Variants in FH observed in about 807,000 individuals in gnomAD.
FH encodes the protein fumarate hydratase, mitochondrial.
A neutral mutation model predicts 49.4 loss-of-function variants in FH; 22 were observed. The observed-to-expected ratio is 0.45, with a 90% confidence interval of 0.32 to 0.64. The LOEUF is 0.64. Ranked by LOEUF, FH falls within the 30% of genes least tolerant of loss-of-function variation. The probability of loss-of-function intolerance (pLI) is 0.05; values close to 1 mark genes in which losing one functional copy is unlikely to be tolerated. For missense variants in FH, 526 were observed against 641.5 expected (o/e 0.82, Z 1.95); for synonymous variants, 208 against 223.0 (o/e 0.93, Z 0.60).
rs766177929 is a variant in FH, at chr1:241,500,465, C to T, written c.1362G>A (p.Met454Ile). ...RINKLMNESL[M>I]LVTALNPHIG... Reference sequence around the variant, plus strand: ...TATGAGGATTGAGAGCTGTCACCAACATTAGAGACTCATTCATCAGCTTGT... The same window carrying T: ...TATGAGGATTGAGAGCTGTCACCAATATTAGAGACTCATTCATCAGCTTGT... Residue 454 changes from methionine (M) to isoleucine (I), a missense_variant, in exon 9 of 10, where the codon ATG becomes ATA. By Grantham distance (10) the Met-to-Ile change is conservative (BLOSUM62 1). This residue lies in a region of FH where 383 missense variants were observed against 514.0 expected (regional missense o/e 0.75). Coordinates refer to ENST00000366560, the MANE Select transcript of FH (RefSeq NM_000143.4). The T allele has an allele frequency of 6.2e-7, 1 of 1,614,040 alleles. No individual in the cohort carries two copies. Among genetic ancestry groups the T allele is most frequent in the South Asian group, 1.1e-5 (1 of 91,080 alleles).
intron 1 of FH, 67 bp downstream of exon 1, chr1:241,519,524 C>T: frequency 6.6e-7 from 1 of 1,506,830 alleles, no homozygotes; most frequent in Admixed American, 2.1e-5. Flanking sequence ...TCGCGGGCGC[C>T]CAGGCCGGCA....
intron 1 of FH, 122 bp from the exon 2 acceptor site, chr1:241,517,438 C>T (rs1253619997): frequency 3.9e-6 from 4 of 1,038,108 alleles, no homozygotes; most frequent in Non-Finnish European, 5.7e-6. Flanking sequence ...CAAAAAAATA[C>T]TATTTGGATT....
At position 241,508,739 on chromosome 1, in the gene FH, A is replaced by G. The variant is rs1476664795; in HGVS notation, c.602T>C (p.Ile201Thr). ...TGGTAACAGTACTTCATGAACTTCT[A>G]TTGCAGCAGCAATGTGCATTGCTGT... ...FPTAMHIAAAIEVHEVLLPGL... is the reference protein window; with the variant it reads ...FPTAMHIAAATEVHEVLLPGL... Residue 201 changes from isoleucine (I) to threonine (T), a missense_variant, in exon 5 of 10, where the codon ATA becomes ACA. Around this residue, in one of 2 missense-constraint regions of FH, gnomAD observed 383 missense variants for 514.0 expected, o/e 0.75. Transcript: ENST00000366560. 3.1e-6 allele frequency: 5 copies of G among 1,613,878 alleles called. No individual in the cohort carries two copies. The highest frequency in any genetic ancestry group is 1.1e-5 in the South Asian group (1 of 91,078).
rs552330252 is a variant in FH at position 241,501,409 on chromosome 1, C to T, written c.1237-819G>A. 1.2e-4 allele frequency among the ~76,000 whole-genome samples: 18 copies of T among 152,134 alleles called. No homozygotes were observed. The East Asian group carries it at 3.5e-3, about 29-fold the overall frequency. The stretch of plus-strand genomic sequence containing the variant: ...TTAACAAGGCATTTATTGTTATGCA[C>T]CTATAAATGCTGGGTATCTCGTGTT... On this transcript the variant is annotated intron_variant, in intron 8 of 9. Coordinates refer to ENST00000366560, the MANE Select transcript of FH (RefSeq NM_000143.4).
intron 7 of FH, among the ~76,000 whole-genome samples, chr1:241,502,776 A>G (rs1190298966): frequency 6.6e-6 from 1 of 152,210 alleles, no homozygotes; most frequent in Non-Finnish European, 1.5e-5. Context: ...AGTAGCCACA[A>G]CTACACATTA....
At chr1:241,514,140 T>C (rs1266800773) in intron 2 of FH, among the ~76,000 whole-genome samples, 1 of 152,122 alleles carries the variant, frequency 6.6e-6, no homozygotes, top group East Asian at 1.9e-4. Context: ...CACGTTACAT[T>C]ATAATTGTTT....
chr1:241,499,850 T>A (rs941281882), intron 9 of FH, among the ~76,000 whole-genome samples: 1 of 152,224 alleles, frequency 6.6e-6, no homozygotes, highest in Non-Finnish European at 1.5e-5. Flanking sequence ...AATCTGTATG[T>A]TTGATTCTAC....
rs201971572 is a variant in FH at position 241,506,178 on chromosome 1, A to C, written c.739-10T>G. 2.5e-6 allele frequency: 4 copies of C among 1,600,738 alleles called. No individual in the cohort carries two copies. The highest frequency in any genetic ancestry group is 3.4e-6 in the Non-Finnish European group (4 of 1,169,042). On this transcript the variant is annotated splice_polypyrimidine_tract_variant and intron_variant, in intron 5 of 9. Coordinates refer to ENST00000366560, the MANE Select transcript of FH (RefSeq NM_000143.4). ...CATAACCACTAAATTCCTGAAAAGA[A>C]AAGAAAATTAAGGTAAGAATAAGTA...
chr1:241,516,489 C>T (rs546055437), intron 2 of FH, among the ~76,000 whole-genome samples: 233 of 152,134 alleles, frequency 1.5e-3, no homozygotes, highest in African/African-American at 5.4e-3. Context: ...GGGAACAAAG[C>T]ACACAGGGGC....
chr1:241,513,222 T>C (rs1660135043), intron 3 of FH, among the ~76,000 whole-genome samples: 1 of 152,094 alleles, frequency 6.6e-6, no homozygotes, highest in Non-Finnish European at 1.5e-5. Flanking sequence ...TTTAAGACAA[T>C]GTTATTAGCA....
chr1:241,513,534 G>A, intron 3 of FH, 69 bp downstream of exon 3: 2 of 1,134,932 alleles, frequency 1.8e-6, no homozygotes, highest in Non-Finnish European at 1.3e-6. Flanking sequence ...CCTTCTGCCA[G>A]AGCATATCGT....
At chr1:241,504,965 G>A (rs1391705983) in intron 6 of FH, among the ~76,000 whole-genome samples, 2 of 150,664 alleles carry the variant, frequency 1.3e-5, no homozygotes, top group Non-Finnish European at 2.9e-5. Flanking sequence ...CTGGAGGGCA[G>A]TGGTACGATC....
chr1:241,511,916 A>C (rs1660093137), intron 4 of FH, 51 bp downstream of exon 4: 2 of 1,542,732 alleles, frequency 1.3e-6, no homozygotes, highest in Non-Finnish European at 1.8e-6. Flanking sequence ...GAACAATCTC[A>C]GGTATGCTTT....
intron 2 of FH, among the ~76,000 whole-genome samples, chr1:241,514,783 G>C (rs867240093): frequency 6.6e-6 from 1 of 152,118 alleles, no homozygotes; most frequent in African/African-American, 2.4e-5. Context: ...CATTAGAAAC[G>C]TTTGACTCAA....
At chr1:241,515,832 A>G (rs991097808) in intron 2 of FH, among the ~76,000 whole-genome samples, 1 of 152,210 alleles carries the variant, frequency 6.6e-6, no homozygotes, top group African/African-American at 2.4e-5. Flanking sequence ...ATGGTAAGTC[A>G]CAACCTTAAT....
chr1:241,518,611 C>A (rs749622346), intron 1 of FH, among the ~76,000 whole-genome samples: 2 of 152,210 alleles, frequency 1.3e-5, no homozygotes, highest in East Asian at 3.8e-4. Context: ...GGTATTTTCA[C>A]ATGTGCAGTT....
chr1:241,500,716 C>T lies in FH; in HGVS notation c.1237-126G>A, dbSNP rs1659758128. On this transcript the variant is annotated intron_variant, in intron 8 of 9. Transcript: ENST00000366560. ...GACAGTAAATATACAATTCAATAAA[C>T]ATATAGATCTTCTACAAATTTTAAG... is the stretch of plus-strand genomic sequence containing the variant. 3 of 1,292,144 alleles carry T rather than the reference C, an allele frequency of 2.3e-6. No individual in the cohort carries two copies. In the East Asian group the frequency reaches 7.6e-5, roughly 33 times the overall value. 80.0% of individuals were successfully genotyped at this position (1,292,144 alleles called of 1,614,324 possible). A position where few individuals can be genotyped will look rare whatever the true frequency, so the allele number is the denominator to read the frequency against.
chr1:241,517,068 AT>A, intron 2 of FH, 113 bp downstream of exon 2: 14 of 1,330,922 alleles, frequency 1.1e-5, no homozygotes, highest in Non-Finnish European at 1.4e-5. Flanking sequence ...TCACGAAGCC[AT>A]CTTTTCTAAT....
intron 2 of FH, among the ~76,000 whole-genome samples, chr1:241,514,642 A>G (rs2147923646): frequency 6.6e-6 from 1 of 152,322 alleles, no homozygotes; most frequent in African/African-American, 2.4e-5. Context: ...AAGTAGAAAA[A>G]GCCAAGAAAA....
Sources: gnomAD v4.1 joint callset for allele counts (sites outside exome capture counted in the v4.1 genomes callset) on GRCh38, gnomAD v4.1.1 for gene constraint, gnomAD v4.1.1 regional missense constraint, MANE v1.5 for transcripts, NCBI Gene and HGNC (gene_info 2026-07-23, HGNC 2026-07-21) for gene names.